Variants in METTL15 observed in about 807,000 individuals in gnomAD.
METTL15 encodes 12S rRNA N(4)-cytidine methyltransferase METTL15.
Under a neutral mutation model 38.3 loss-of-function variants are expected in METTL15, and 34 were observed. The ratio of observed to expected loss-of-function variants is 0.89; its 90% CI spans 0.68 to 1.18. METTL15 has a LOEUF of 1.18. Among genes scored for constraint, METTL15 ranks in the 50% most tolerant of loss-of-function variants. The pLI is 0.00. For missense variants in METTL15, 438 were observed against 498.4 expected, an observed-to-expected ratio of 0.88 and a Z score of 1.15; for synonymous variants, 162 against 170.9, an observed-to-expected ratio of 0.95 and a Z score of 0.41.
intron 4 of METTL15, among the ~76,000 whole-genome samples, chr11:28,224,746 A>G (rs1373113528): frequency 6.6e-6 from 1 of 151,872 alleles, no homozygotes. Flanking sequence ...GATTTAATAA[A>G]TAGCGAATAT....
At chr11:28,439,358 C>T (rs1236428362) in intron 6 of METTL15, among the ~76,000 whole-genome samples, 1 of 152,190 alleles carries the variant, frequency 6.6e-6, no homozygotes, top group African/African-American at 2.4e-5. Flanking sequence ...TAAACGCTCG[C>T]TATGCTGAGC....
downstream of METTL15, among the ~76,000 whole-genome samples, chr11:28,530,517 G>T (rs956754685): frequency 6.6e-6 from 1 of 152,038 alleles, no homozygotes; most frequent in African/African-American, 2.4e-5. Context: ...TATAACAACT[G>T]TTTCCAAAAA....
intron 5 of METTL15, among the ~76,000 whole-genome samples, chr11:28,416,326 T>C (rs951739654): frequency 5.3e-5 from 8 of 152,074 alleles, no homozygotes; most frequent in African/African-American, 1.9e-4. Flanking sequence ...ACTGGTGGAG[T>C]GGGACACTCT....
At chr11:28,402,259 T>A (rs972045472) in intron 5 of METTL15, among the ~76,000 whole-genome samples, 1 of 151,920 alleles carries the variant, frequency 6.6e-6, no homozygotes. Flanking sequence ...CTAAATACTC[T>A]CCAGTGCCTT....
downstream of METTL15, chr11:28,333,540 A>G (rs1590336434): frequency 6.6e-6 from 1 of 152,270 alleles, no homozygotes; most frequent in East Asian, 1.9e-4. Context: ...TCATTTTAAC[A>G]TAGTATCAAT....
chr11:28,430,664 A>G (rs1350095923), intron 6 of METTL15, among the ~76,000 whole-genome samples: 169 of 63,506 alleles, frequency 2.7e-3, no homozygotes, highest in Non-Finnish European at 3.2e-3. Flanking sequence ...CTGCCCGGCC[A>G]CCCCTACTGG....
At chr11:28,532,263 A>G in the METTL15 span, among the ~76,000 whole-genome samples, 1 of 152,034 alleles carries the variant, frequency 6.6e-6, no homozygotes, top group Non-Finnish European at 1.5e-5. Flanking sequence ...GAGATCAGCA[A>G]CCAGTCTTGA....
chr11:28,141,836 T>C (rs1010063127), intron 3 of METTL15, among the ~76,000 whole-genome samples: 1 of 152,220 alleles, frequency 6.6e-6, no homozygotes. Flanking sequence ...AATTCTAACC[T>C]TGTGGCCTTT....
intron 4 of METTL15, among the ~76,000 whole-genome samples, chr11:28,243,670 A>G (rs1002426594): frequency 6.6e-6 from 1 of 152,218 alleles, no homozygotes; most frequent in African/African-American, 2.4e-5. Flanking sequence ...AGCACTGTAT[A>G]AAGTATATGA....
chr11:28,168,262 TC>T (rs1196042129), intron 3 of METTL15, among the ~76,000 whole-genome samples: 7 of 151,804 alleles, frequency 4.6e-5, no homozygotes, highest in Admixed American at 3.9e-4. Flanking sequence ...AAACTCACAG[TC>T]CAGTGTAGAA....
At chr11:28,150,914 T>G (rs1137667) in intron 3 of METTL15, among the ~76,000 whole-genome samples, 1 of 150,862 alleles carries the variant, frequency 6.6e-6, no homozygotes, top group African/African-American at 2.4e-5. Flanking sequence ...AAGCACTCTT[T>G]GTAAATCCAT....
chr11:28,388,607 A>T (rs533683411), intron 5 of METTL15, among the ~76,000 whole-genome samples: 26 of 152,288 alleles, frequency 1.7e-4, no homozygotes, highest in Admixed American at 3.3e-4. Flanking sequence ...ACAAGACAAT[A>T]TTGTTAAAAT....
chr11:28,452,894 G>C (rs1462816695), intron 6 of METTL15, among the ~76,000 whole-genome samples: 1 of 152,182 alleles, frequency 6.6e-6, no homozygotes, highest in African/African-American at 2.4e-5. Context: ...GCCTTTTGGT[G>C]AATGTTGATG....
intron 6 of METTL15, among the ~76,000 whole-genome samples, chr11:28,448,855 TA>T (rs398115205): frequency 7.5e-5 from 4 of 53,360 alleles, no homozygotes; most frequent in African/African-American, 1.6e-4. Context: ...AATAAATGTA[TA>T]ATATTTATTA....
chr11:28,432,786 G>A (rs1219347057), intron 6 of METTL15, among the ~76,000 whole-genome samples: 1 of 152,166 alleles, frequency 6.6e-6, no homozygotes, highest in Non-Finnish European at 1.5e-5. Flanking sequence ...TTGTTAATTA[G>A]GGGAGGTAAT....
At chr11:28,213,793 C>A (rs563253129) in intron 4 of METTL15, among the ~76,000 whole-genome samples, 2 of 151,638 alleles carry the variant, frequency 1.3e-5, no homozygotes, top group Non-Finnish European at 2.9e-5. Flanking sequence ...GTAGCTGGGA[C>A]TATAGGCGCT....
At chr11:28,397,593 G>A (rs1340880726) in intron 5 of METTL15, among the ~76,000 whole-genome samples, 1 of 151,762 alleles carries the variant, frequency 6.6e-6, no homozygotes, top group Non-Finnish European at 1.5e-5. Context: ...GAAACAACAG[G>A]TGCTGGAGAG....
intron 5 of METTL15, among the ~76,000 whole-genome samples, chr11:28,370,195 C>A (rs1850228292): frequency 6.6e-6 from 1 of 151,978 alleles, no homozygotes; most frequent in Non-Finnish European, 1.5e-5. Context: ...ACCCATTAAT[C>A]AACCACACTT....
intron 5 of METTL15, among the ~76,000 whole-genome samples, chr11:28,369,024 G>C (rs1850217396): frequency 6.6e-6 from 1 of 151,956 alleles, no homozygotes; most frequent in Admixed American, 6.6e-5. Flanking sequence ...CTAGGGGAGG[G>C]ATAACATTAG....
Sources: allele counts gnomAD v4.1 joint callset (sites outside exome capture counted in the v4.1 genomes callset), GRCh38; gene constraint gnomAD v4.1.1; transcripts MANE v1.5; gene names NCBI Gene and HGNC (gene_info 2026-07-23, HGNC 2026-07-21).